The following ZRANB1 variants were observed in gnomAD, a reference collection of about 807,000 sequenced individuals.
ZRANB1 encodes the protein zinc finger RANBP2-type containing 1.
ZRANB1 carries 16 observed loss-of-function variants against 80.5 expected under a neutral mutation model. The observed-to-expected ratio is 0.20, with a 90% CI of 0.13 to 0.30. The LOEUF is 0.30. ZRANB1 is among the 10% of genes least tolerant of loss of function. ZRANB1 has a pLI of 1.00. For synonymous variants in ZRANB1, 291 were observed against 293.1 expected (o/e 0.99, Z 0.07); for missense variants, 576 against 862.6 (o/e 0.67, Z 4.16).
chr10:124,982,088 C>T (rs931045955), intron 6 of ZRANB1, among the ~76,000 whole-genome samples: 8 of 151,992 alleles, frequency 5.3e-5, no homozygotes, highest in African/African-American at 1.9e-4. Context: ...GTTTTTATAT[C>T]GAATGATTAA....
In ZRANB1 at chr10:124,983,066, T is replaced by TA. The variant is rs1287664097; in HGVS notation, c.1549-104dup. 1 of 1,214,614 alleles carries TA rather than the reference T, an allele frequency of 8.2e-7. No homozygotes were observed. Among genetic ancestry groups the TA allele is most frequent in the Non-Finnish European group, 1.1e-6 (1 of 890,342 alleles). The allele number at this position is 1,214,614 out of a possible 1,614,324, so 75.2% of individuals were successfully genotyped here. On this transcript the variant is annotated intron_variant, in intron 6 of 8. Coordinates refer to ENST00000359653, the MANE Select transcript of ZRANB1 (RefSeq NM_017580.3). This position sits in a 1 kb window ranked among gnomAD's most constrained non-coding sequence, Gnocchi z 6.2. ...GCTGCTTTGACAATCTTTTCTTTCT[T>TA]AAAAACCAACTGCGATAGTATACTG...
rs1951958569 is a variant in ZRANB1 at position 124,983,367 on chromosome 10, A to AG, written c.1678+65dup. 6.2e-7 allele frequency: 1 copy of AG among 1,601,928 alleles called. No individual in the cohort carries two copies. Among genetic ancestry groups the AG allele is most frequent in the South Asian group, 1.1e-5 (1 of 89,300 alleles). On this transcript the variant is annotated intron_variant, in intron 7 of 8. Transcript: ENST00000359653. This position sits in a 1 kb window ranked among gnomAD's most constrained non-coding sequence, Gnocchi z 6.2. ...GAACGGAATGGCTCAGATGTCAGGA[A>AG]GGAGCAGTGGACAGGGGAATGTGAA...
chr10:124,930,205 A>T, the ZRANB1 span, among the ~76,000 whole-genome samples: 3 of 152,132 alleles, frequency 2.0e-5, no homozygotes, highest in African/African-American at 7.2e-5. Context: ...TTCAGATGTA[A>T]GAGAGGGAGA....
intron 5 of ZRANB1, 152 bp from the exon 6 acceptor site, chr10:124,981,557 A>G (rs893603961): frequency 1.5e-6 from 1 of 679,662 alleles, no homozygotes; most frequent in Admixed American, 3.7e-5. Flanking sequence ...GGCATTTTTC[A>G]TTAGAAAAAT....
chr10:124,962,883 T>G (rs2134275343), intron 1 of ZRANB1, among the ~76,000 whole-genome samples: 1 of 152,284 alleles, frequency 6.6e-6, no homozygotes, highest in East Asian at 1.9e-4. Context: ...CCAGAGTGGC[T>G]TCAGCTGTCC....
intron 4 of ZRANB1, 136 bp from the exon 5 acceptor site, chr10:124,974,064 G>A (rs1206409095): frequency 2.5e-5 from 19 of 751,900 alleles, no homozygotes; most frequent in Non-Finnish European, 3.8e-5. Context: ...TATTTCAATT[G>A]GTCAATTTTA....
At chr10:124,950,517 C>T (rs948124321) in intron 1 of ZRANB1, among the ~76,000 whole-genome samples, 3 of 152,080 alleles carry the variant, frequency 2.0e-5, no homozygotes, top group Non-Finnish European at 2.9e-5. Context: ...TATTATTTTC[C>T]CTTTTCTCAT....
intron 1 of ZRANB1, among the ~76,000 whole-genome samples, chr10:124,949,132 G>GT (rs1385177712): frequency 6.6e-6 from 1 of 152,094 alleles, no homozygotes. Flanking sequence ...TCAGGTTTAT[G>GT]TTTAATTTCT....
intron 1 of ZRANB1, among the ~76,000 whole-genome samples, chr10:124,961,006 GTTT>G (rs869141836): frequency 1.4e-5 from 2 of 141,902 alleles, no homozygotes; most frequent in African/African-American, 5.1e-5. Context: ...TTTGTTTTTT[GTTT>G]TTTTTTTTTA....
intron 5 of ZRANB1, among the ~76,000 whole-genome samples, chr10:124,980,484 T>A (rs1336901885): frequency 6.6e-6 from 1 of 150,726 alleles, no homozygotes; most frequent in Non-Finnish European, 1.5e-5. Flanking sequence ...GTATTGACAA[T>A]TTCTCTGATA....
At position 124,942,395 on chromosome 10, in the gene ZRANB1, G is replaced by A; in HGVS notation, c.-99G>A. The A allele has an allele frequency of 6.6e-7, 1 of 1,526,398 alleles. No homozygotes were observed. The highest frequency in any genetic ancestry group is 8.8e-7 in the Non-Finnish European group (1 of 1,139,026). The allele number at this position is 1,526,398 out of a possible 1,614,324, so 94.6% of individuals were successfully genotyped here. On this transcript the variant is annotated 5_prime_UTR_variant, in exon 1 of 9. Coordinates refer to ENST00000359653, the MANE Select transcript of ZRANB1 (RefSeq NM_017580.3). ...TGTAGGTTGAAGGACTTGCTTTTTG[G>A]GCAGCGTATTTTTGGAGGTGGAATG... is the stretch of plus-strand genomic sequence containing the variant.
chr10:124,973,987 G>C (rs1247177103), intron 4 of ZRANB1, among the ~76,000 whole-genome samples: 1 of 152,266 alleles, frequency 6.6e-6, no homozygotes, highest in East Asian at 1.9e-4. Flanking sequence ...AAATAAAACT[G>C]TAAAGAATTT....
intron 2 of ZRANB1, among the ~76,000 whole-genome samples, chr10:124,970,161 T>C (rs1233727670): frequency 6.6e-6 from 1 of 152,228 alleles, no homozygotes; most frequent in Non-Finnish European, 1.5e-5. Flanking sequence ...TGACTAATGG[T>C]TGGGCTCATG....
At chr10:124,937,343 C>CGGTG (rs1951496989), upstream of ZRANB1, among the ~76,000 whole-genome samples, 1 of 151,910 alleles carries the variant, frequency 6.6e-6, no homozygotes, top group Non-Finnish European at 1.5e-5. Context: ...CCTGCCACCA[C>CGGTG]GCCCAGCAAG....
chr10:124,924,674 C>T, the ZRANB1 span, among the ~76,000 whole-genome samples: 1 of 152,092 alleles, frequency 6.6e-6, no homozygotes, highest in Non-Finnish European at 1.5e-5. Context: ...GGCTGATACT[C>T]CATTGTATAA....
rs138170318 is a variant in ZRANB1, at chr10:124,986,925, G to C, written c.*1933G>C. ...ACGCTCAGCACTTAGCTTCTACTGT[G>C]TGTTGTGGTCTGGTGAGTGTTGTTT... is the stretch of plus-strand genomic sequence containing the variant. On this transcript the variant is annotated 3_prime_UTR_variant, in exon 9 of 9. Transcript: ENST00000359653. 54 of 152,540 alleles carry C rather than the reference G, an allele frequency of 3.5e-4. No individual in the cohort carries two copies. In the East Asian group the frequency reaches 9.5e-3, roughly 27 times the overall value. 9.4% of individuals were successfully genotyped at this position (152,540 alleles called of 1,614,324 possible).
rs1385685031 is a variant in ZRANB1, at chr10:124,988,128, GATA to G, written c.*3139_*3141del. Reference sequence around the variant, plus strand: ...TTGCATCTTAAGGATGGCATGACGTGATAATGATGGACTTGTGTGAGGTTTTGA... The same window carrying G: ...TTGCATCTTAAGGATGGCATGACGTGATGATGGACTTGTGTGAGGTTTTGA... On this transcript the variant is annotated 3_prime_UTR_variant, in exon 9 of 9. Transcript: ENST00000359653. 1.6e-4 allele frequency: 24 copies of G among 152,656 alleles called. No individual in the cohort carries two copies. The highest frequency in any genetic ancestry group is 4.6e-4 in the African/African-American group (19 of 41,550). The allele number at this position is 152,656 out of a possible 1,614,324, so 9.5% of individuals were successfully genotyped here.
At position 124,987,319 on chromosome 10, in the gene ZRANB1, A is replaced by G. The variant is rs1222764814; in HGVS notation, c.*2327A>G. On this transcript the variant is annotated 3_prime_UTR_variant, in exon 9 of 9. Coordinates refer to ENST00000359653, the MANE Select transcript of ZRANB1 (RefSeq NM_017580.3). ...ATGGTTCTTTTTCTAGAGCAAACAG[A>G]GCGTGGCATTTTGTTTTGACTTGTT... 1 of 152,410 alleles carries G rather than the reference A, an allele frequency of 6.6e-6. No homozygotes were observed. The highest frequency in any genetic ancestry group is 2.4e-5 in the African/African-American group (1 of 41,374). The allele number at this position is 152,410 out of a possible 1,614,324, so 9.4% of individuals were successfully genotyped here. A position where few individuals can be genotyped will look rare whatever the true frequency, so the allele number is the denominator to read the frequency against.
the ZRANB1 span, among the ~76,000 whole-genome samples, chr10:124,932,428 T>A: frequency 6.6e-6 from 1 of 152,138 alleles, no homozygotes; most frequent in Admixed American, 6.6e-5. Flanking sequence ...TAGCTGGAAC[T>A]ACAGGTACCC....
Sources: allele counts gnomAD v4.1 joint callset (sites outside exome capture counted in the v4.1 genomes callset), GRCh38; gene constraint gnomAD v4.1.1; non-coding constraint Gnocchi (gnomAD v3.1); transcripts MANE v1.5; gene names NCBI Gene and HGNC (gene_info 2026-07-23, HGNC 2026-07-21).